KIAA1549: variants seen among roughly 807,000 people sequenced by gnomAD.
KIAA1549 encodes UPF0606 protein KIAA1549.
Under a neutral mutation model 156.4 loss-of-function variants are expected in KIAA1549, and 70 were observed. The ratio of observed to expected loss-of-function variants is 0.45; its 90% CI spans 0.37 to 0.55. The LOEUF is 0.55. Ranked by LOEUF, KIAA1549 falls within the 20% of genes least tolerant of loss-of-function variation. The pLI is 0.00. For missense variants in KIAA1549, 2,428 were observed against 2,540.9 expected, an observed-to-expected ratio of 0.96 and a Z score of 0.96; for synonymous variants, 1,103 against 1,066.4, an observed-to-expected ratio of 1.03 and a Z score of -0.67.
chr7:138,836,696 G>T lies in KIAA1549; in HGVS notation c.*1210C>A, dbSNP rs1361045205. ...TCCCCTCTTAGCCCAAAGAGCATAA[G>T]ACAATTTTAATAGCCACTCGACAGA... is the stretch of plus-strand genomic sequence containing the variant. On this transcript the variant is annotated 3_prime_UTR_variant, in exon 20 of 20. Transcript: ENST00000422774. The T allele has an allele frequency of 4.6e-6, 1 of 217,338 alleles. No homozygotes were observed. The highest frequency in any genetic ancestry group is 2.3e-5 in the African/African-American group (1 of 44,424). The allele number at this position is 217,338 out of a possible 1,614,324, so 13.5% of individuals were successfully genotyped here.
At chr7:138,947,174 T>A (rs1244279250) in intron 1 of KIAA1549, among the ~76,000 whole-genome samples, 1 of 152,368 alleles carries the variant, frequency 6.6e-6, no homozygotes, top group East Asian at 1.9e-4. Context: ...CAGTCCCATG[T>A]TGACCAGCTG....
chr7:138,957,911 G>A (rs1248087701), intron 1 of KIAA1549, among the ~76,000 whole-genome samples: 1 of 152,066 alleles, frequency 6.6e-6, no homozygotes, highest in Non-Finnish European at 1.5e-5. Flanking sequence ...CCAAGCAACC[G>A]TGCATTTCGC....
At chr7:138,867,870 C>T in intron 15 of KIAA1549, 105 bp downstream of exon 15, 1 of 1,254,076 alleles carries the variant, frequency 8.0e-7, no homozygotes, top group Admixed American at 2.1e-5. Flanking sequence ...GGCACTGATA[C>T]CACACAGGGC....
chr7:138,953,261 C>T (rs1813551164), intron 1 of KIAA1549, among the ~76,000 whole-genome samples: 1 of 152,172 alleles, frequency 6.6e-6, no homozygotes, highest in African/African-American at 2.4e-5. Context: ...GAGGCTGAGG[C>T]ACAAGAATCA....
At chr7:138,913,771 T>C (rs1812235190) in intron 2 of KIAA1549, among the ~76,000 whole-genome samples, 1 of 151,930 alleles carries the variant, frequency 6.6e-6, no homozygotes, top group South Asian at 2.1e-4. Context: ...AGCAGCCAAC[T>C]CCGCATGGCC....
intron 8 of KIAA1549, among the ~76,000 whole-genome samples, chr7:138,901,966 T>TAC (rs1242391250): frequency 1.4e-5 from 1 of 73,118 alleles, no homozygotes; most frequent in Non-Finnish European, 2.8e-5. Flanking sequence ...AGCACTGTAT[T>TAC]ATACTTTCAC....
At chr7:138,865,840 AAG>A in intron 15 of KIAA1549, among the ~76,000 whole-genome samples, 1 of 152,310 alleles carries the variant, frequency 6.6e-6, no homozygotes. Context: ...AAAAAAATCA[AAG>A]AGAGGGGGAC....
At chr7:138,972,202 C>G (rs183118329) in intron 1 of KIAA1549, among the ~76,000 whole-genome samples, 1 of 152,272 alleles carries the variant, frequency 6.6e-6, no homozygotes, top group Non-Finnish European at 1.5e-5. Flanking sequence ...TCTCTCCAGG[C>G]AAGTTCAACA....
intron 1 of KIAA1549, among the ~76,000 whole-genome samples, chr7:138,922,911 G>C (rs1028551243): frequency 4.0e-5 from 6 of 151,484 alleles, no homozygotes; most frequent in African/African-American, 1.5e-4. Context: ...TATGAGAAAC[G>C]AACCATGCAA....
chr7:138,929,034 G>A (rs1183770574), intron 1 of KIAA1549, among the ~76,000 whole-genome samples: 1 of 152,190 alleles, frequency 6.6e-6, no homozygotes. Flanking sequence ...AGTGTTGACG[G>A]CTGCTGGCTG....
chr7:138,875,318 A>G (rs1811050852), intron 12 of KIAA1549, among the ~76,000 whole-genome samples: 1 of 152,300 alleles, frequency 6.6e-6, no homozygotes, highest in African/African-American at 2.4e-5. Flanking sequence ...ATGTTTTCTT[A>G]CCATCAGTTA....
chr7:138,847,828 T>C (rs2130341923), intron 17 of KIAA1549, among the ~76,000 whole-genome samples: 1 of 152,306 alleles, frequency 6.6e-6, no homozygotes, highest in South Asian at 2.1e-4. Context: ...ACAAATCACA[T>C]GGGGAGAAAT....
Position 138,833,639 on chromosome 7 carries a change from A to C in KIAA1549, c.*4267T>G. 1 of 232,440 alleles carries C rather than the reference A, an allele frequency of 4.3e-6. No individual in the cohort carries two copies. The highest frequency in any genetic ancestry group is 8.5e-6 in the Non-Finnish European group (1 of 117,718). 14.4% of individuals were successfully genotyped at this position (232,440 alleles called of 1,614,324 possible). ...AAAAATGTGTAGGTAGCAGTAAAGA[A>C]GCTGAATATATATATAGATAGATAG... On this transcript the variant is annotated 3_prime_UTR_variant, in exon 20 of 20. Coordinates refer to ENST00000422774, the MANE Select transcript of KIAA1549 (RefSeq NM_001164665.2).
chr7:138,928,077 C>T (rs527862442), intron 1 of KIAA1549, among the ~76,000 whole-genome samples: 53 of 151,776 alleles, frequency 3.5e-4, no homozygotes, highest in Non-Finnish European at 6.0e-4. Context: ...CCCACCACCA[C>T]GCCCAGCTAA....
intron 7 of KIAA1549, among the ~76,000 whole-genome samples, chr7:138,904,150 G>C (rs1811941776): frequency 6.6e-6 from 1 of 152,174 alleles, no homozygotes; most frequent in African/African-American, 2.4e-5. Flanking sequence ...CTTGCCTTGA[G>C]ACTTGGACTC....
At chr7:138,953,778 T>C (rs1344404538) in intron 1 of KIAA1549, among the ~76,000 whole-genome samples, 1 of 152,220 alleles carries the variant, frequency 6.6e-6, no homozygotes, top group Non-Finnish European at 1.5e-5. Context: ...ACAATACAAA[T>C]ACATACACAA....
rs113829192 is a variant in KIAA1549 at position 138,840,026 on chromosome 7, G to A, written c.5598+107C>T. 9 of 967,868 alleles carry A rather than the reference G, an allele frequency of 9.3e-6. No individual in the cohort carries two copies. The African/African-American group carries it at 9.9e-5, about 11-fold the overall frequency. 60.0% of individuals were successfully genotyped at this position (967,868 alleles called of 1,614,324 possible). The stretch of plus-strand genomic sequence containing the variant: ...AGGCTGGTCTCAAACTCCTGACTTC[G>A]TGATCCGCCCGCCTCGGCCTCCCAA... On this transcript the variant is annotated intron_variant, in intron 19 of 19. Coordinates refer to ENST00000422774, the MANE Select transcript of KIAA1549 (RefSeq NM_001164665.2).
intron 16 of KIAA1549, among the ~76,000 whole-genome samples, chr7:138,858,657 A>G (rs1368251717): frequency 6.6e-6 from 1 of 152,084 alleles, no homozygotes; most frequent in Non-Finnish European, 1.5e-5. Flanking sequence ...TGCATGAATT[A>G]TGCAGTTTCC....
chr7:138,937,202 A>ACTC (rs59050014), intron 1 of KIAA1549, among the ~76,000 whole-genome samples: 43,463 of 151,574 alleles, frequency 0.29, 7,875 homozygotes, highest in African/African-American at 0.52. Context: ...CCTTCCCGTA[A>ACTC]CTATCACACC....
Sources: gnomAD v4.1 joint callset for allele counts (sites outside exome capture counted in the v4.1 genomes callset) on GRCh38, gnomAD v4.1.1 for gene constraint, MANE v1.5 for transcripts, NCBI Gene and HGNC (gene_info 2026-07-23, HGNC 2026-07-21) for gene names.